The following GRIN2B variants were observed in gnomAD, a reference collection of about 807,000 sequenced individuals.
GRIN2B encodes glutamate receptor ionotropic, NMDA 2B.
In GRIN2B, 5 loss-of-function variants were observed where a neutral mutation model predicts 114.5. The observed-to-expected ratio is 0.04, with a 90% CI of 0.02 to 0.09. The LOEUF (loss-of-function observed/expected upper bound fraction) is 0.09, where lower values mean the gene tolerates loss of function less well. GRIN2B is among the 10% of genes least tolerant of loss of function. GRIN2B has a pLI of 1.00. For synonymous variants in GRIN2B, 787 were observed against 745.1 expected, an observed-to-expected ratio of 1.06 and a Z score of -0.92; for missense variants, 1,108 against 1,943.5, an observed-to-expected ratio of 0.57 and a Z score of 8.08.
intron 3 of GRIN2B, among the ~76,000 whole-genome samples, chr12:13,805,402 T>C (rs533533508): frequency 3.3e-5 from 5 of 152,290 alleles, no homozygotes; most frequent in Admixed American, 3.3e-4. Context: ...TTCAAATAGT[T>C]ATCCAAAACT....
At position 13,607,720 on chromosome 12, in the gene GRIN2B, G is replaced by T. The variant is rs1032611687; in HGVS notation, c.2010+883C>A. ...TATCTGCAGCTCATGGCTTCATCCT[G>T]GGGGGGTGGGGGTGGGAGTGGAAAA... is the stretch of plus-strand genomic sequence containing the variant. On this transcript the variant is annotated intron_variant, in intron 10 of 13. Coordinates refer to ENST00000609686, the MANE Select transcript of GRIN2B (RefSeq NM_000834.5). Among the ~76,000 whole-genome samples, 4 of 149,456 alleles carry T rather than the reference G, an allele frequency of 2.7e-5. No individual in the cohort carries two copies. The South Asian group carries it at 6.4e-4, about 24-fold the overall frequency.
chr12:13,771,324 A>G (rs1488236250), intron 3 of GRIN2B, among the ~76,000 whole-genome samples: 2 of 152,214 alleles, frequency 1.3e-5, no homozygotes, highest in Non-Finnish European at 2.9e-5. Context: ...AGTCTTGGGT[A>G]TGTCTTTATT....
intron 4 of GRIN2B, among the ~76,000 whole-genome samples, chr12:13,701,718 G>C (rs1950314968): frequency 6.7e-6 from 1 of 149,196 alleles, no homozygotes; most frequent in Non-Finnish European, 1.5e-5. Flanking sequence ...AAGAAGCCCA[G>C]GACTATGCAT....
intron 3 of GRIN2B, among the ~76,000 whole-genome samples, chr12:13,768,983 G>C (rs1468786387): frequency 6.6e-6 from 1 of 152,114 alleles, no homozygotes; most frequent in African/African-American, 2.4e-5. Context: ...GCAGTGAGCC[G>C]AGATCGCACC....
Position 13,972,749 on chromosome 12 carries a change from C to A in GRIN2B, c.-19+7179G>T, listed in dbSNP as rs76306848. ...GGTGGTTGTCGAGGAGGACACGTAACCTCCAAGGTGACTGTCAGCATTATT... is the reference window on the plus strand; with the variant it reads ...GGTGGTTGTCGAGGAGGACACGTAAACTCCAAGGTGACTGTCAGCATTATT... On this transcript the variant is annotated intron_variant, in intron 2 of 13. Transcript: ENST00000609686. Among the ~76,000 whole-genome samples, 9 of 152,318 alleles carry A rather than the reference C, an allele frequency of 5.9e-5. No homozygotes were observed. The East Asian group carries it at 1.7e-3, about 29-fold the overall frequency.
At chr12:13,817,042 A>G (rs1864836666) in intron 3 of GRIN2B, among the ~76,000 whole-genome samples, 1 of 152,044 alleles carries the variant, frequency 6.6e-6, no homozygotes, top group South Asian at 2.1e-4. Flanking sequence ...GTTAGAGCCA[A>G]GGAGAGGCTC....
rs138703456 is a variant in GRIN2B at position 13,817,969 on chromosome 12, T to C, written c.411+47829A>G. 7.8e-3 allele frequency among the ~76,000 whole-genome samples: 1,195 copies of C among 152,304 alleles called. 23 individuals are homozygous for C. The highest frequency in any genetic ancestry group is 0.028 in the African/African-American group (1,148 of 41,566). On this transcript the variant is annotated intron_variant, in intron 3 of 13. Coordinates refer to ENST00000609686, the MANE Select transcript of GRIN2B (RefSeq NM_000834.5). ...TATTTATGTATTGTAGTGGCAATTG[T>C]TATCGTTTTTTTGTTTCTCCTATAT...
intron 4 of GRIN2B, among the ~76,000 whole-genome samples, chr12:13,718,482 G>C (rs1950478663): frequency 6.6e-6 from 1 of 152,158 alleles, no homozygotes; most frequent in African/African-American, 2.4e-5. Flanking sequence ...ATGAAGGGGT[G>C]GGGTGAGGAG....
chr12:13,661,535 G>A (rs1949923548), intron 5 of GRIN2B, among the ~76,000 whole-genome samples: 1 of 152,158 alleles, frequency 6.6e-6, no homozygotes, highest in Non-Finnish European at 1.5e-5. Flanking sequence ...GGCTGTGTCA[G>A]CTCCATAAAT....
At chr12:13,681,625 G>A (rs1020572677) in intron 4 of GRIN2B, among the ~76,000 whole-genome samples, 1 of 152,076 alleles carries the variant, frequency 6.6e-6, no homozygotes, top group African/African-American at 2.4e-5. Context: ...TACTTGTCTG[G>A]TGTGAGAAGC....
At chr12:13,784,810 C>A (rs186421823) in intron 3 of GRIN2B, among the ~76,000 whole-genome samples, 2 of 152,312 alleles carry the variant, frequency 1.3e-5, no homozygotes, top group African/African-American at 4.8e-5. Flanking sequence ...CCAGCCAACA[C>A]TGAAACATGG....
chr12:13,825,812 C>T (rs996313224), intron 3 of GRIN2B, among the ~76,000 whole-genome samples: 6 of 151,816 alleles, frequency 4.0e-5, no homozygotes, highest in East Asian at 1.9e-4. Context: ...CCACCGCACC[C>T]GGCCAATTAA....
chr12:13,959,779 T>A (rs1005633174), intron 2 of GRIN2B, among the ~76,000 whole-genome samples: 2 of 150,390 alleles, frequency 1.3e-5, no homozygotes, highest in Admixed American at 1.3e-4. Flanking sequence ...CTTTTTTTTT[T>A]TTTTTTGGTC....
intron 2 of GRIN2B, among the ~76,000 whole-genome samples, chr12:13,908,827 T>C (rs1403948190): frequency 1.3e-5 from 2 of 152,186 alleles, no homozygotes; most frequent in Non-Finnish European, 2.9e-5. Context: ...CACACACCAG[T>C]ATATTCAGTG....
At chr12:13,853,027 TTC>T (rs1170796329) in intron 3 of GRIN2B, among the ~76,000 whole-genome samples, 6 of 152,172 alleles carry the variant, frequency 3.9e-5, no homozygotes, top group African/African-American at 1.2e-4. Context: ...ACACCTGCTG[TTC>T]TCTCTGCCAA....
chr12:13,944,815 T>C (rs1375965679), intron 2 of GRIN2B, among the ~76,000 whole-genome samples: 2 of 152,206 alleles, frequency 1.3e-5, no homozygotes, highest in Non-Finnish European at 2.9e-5. Context: ...TTTTCATCAA[T>C]TGACTATATG....
In GRIN2B at chr12:13,551,101, C is replaced by T. The variant is rs1318253201; in HGVS notation, c.*11682G>A. 1 of 151,962 alleles carries T rather than the reference C, an allele frequency of 6.6e-6. No homozygotes were observed. The highest frequency in any genetic ancestry group is 1.5e-5 in the Non-Finnish European group (1 of 67,988). The allele number at this position is 151,962 out of a possible 1,614,324, so 9.4% of individuals were successfully genotyped here. A position where few individuals can be genotyped will look rare whatever the true frequency, so the allele number is the denominator to read the frequency against. ...CTCCTTGCTTCCTGCCTATGTGAAA[C>T]CTTGATATTTTTCTTGCTCCTGACC... On this transcript the variant is annotated 3_prime_UTR_variant, in exon 14 of 14. Transcript: ENST00000609686.
At chr12:13,654,445 G>A (rs772985953) in intron 5 of GRIN2B, among the ~76,000 whole-genome samples, 4 of 152,150 alleles carry the variant, frequency 2.6e-5, no homozygotes, top group Admixed American at 1.3e-4. Flanking sequence ...TGAAAATCTT[G>A]ACAGGAAGCA....
At chr12:13,823,211 C>T (rs1748646434) in intron 3 of GRIN2B, among the ~76,000 whole-genome samples, 1 of 151,884 alleles carries the variant, frequency 6.6e-6, no homozygotes, top group Non-Finnish European at 1.5e-5. Context: ...TGAAAAAACC[C>T]CACTGGGCTT....
Sources: allele counts gnomAD v4.1 joint callset (sites outside exome capture counted in the v4.1 genomes callset), GRCh38; gene constraint gnomAD v4.1.1; transcripts MANE v1.5; gene names NCBI Gene and HGNC (gene_info 2026-07-23, HGNC 2026-07-21).